TTN: variants seen among roughly 807,000 people sequenced by gnomAD.
TTN encodes the protein connectin.
TTN carries 1,525 observed loss-of-function variants against 3,223.0 expected under a neutral mutation model. That is an observed-to-expected ratio of 0.47 (90% CI 0.45 to 0.49). The LOEUF (loss-of-function observed/expected upper bound fraction) is 0.49, where lower values mean the gene tolerates loss of function less well. Ranked by LOEUF, TTN falls within the 20% of genes least tolerant of loss-of-function variation. The pLI, the probability that TTN is intolerant of heterozygous loss-of-function variation, is 0.00. For synonymous variants in TTN, 14,094 were observed against 15,161.0 expected, an observed-to-expected ratio of 0.93 and a Z score of 5.17; for missense variants, 40,786 against 43,424.0, an observed-to-expected ratio of 0.94 and a Z score of 5.40.
Position 178,636,995 on chromosome 2 carries a change from T to G in TTN, c.40928-196A>C, listed in dbSNP as rs958430274. 5.3e-5 allele frequency among the ~76,000 whole-genome samples: 8 copies of G among 151,550 alleles called. No individual in the cohort carries two copies. The highest frequency in any genetic ancestry group is 1.2e-4 in the Non-Finnish European group (8 of 67,834). On this transcript the variant is annotated intron_variant, in intron 224 of 362. Coordinates refer to ENST00000589042, the MANE Select transcript of TTN (RefSeq NM_001267550.2). This position sits in a 1 kb window ranked among gnomAD's most constrained non-coding sequence, Gnocchi z 4.3. ...AAAATGAGATGGTATAAGGAATCCA[T>G]GAATAATAAATGTCCCTTTTCTCAA...
chr2:178,611,671 G>A lies in TTN; in HGVS notation c.50558C>T (p.Pro16853Leu), dbSNP rs373517736. The A allele has an allele frequency of 6.2e-7, 1 of 1,612,642 alleles. No individual in the cohort carries two copies. Among genetic ancestry groups the A allele is most frequent in the Non-Finnish European group, 8.5e-7 (1 of 1,179,246 alleles). Residue 16853 changes from proline (P) to leucine (L), a missense_variant, in exon 269 of 363, where the codon CCC becomes CTC. Transcript: ENST00000589042. ...ILSIEDPTSP[P>L]SPPLDLHVTD... ...CACATGTAGGTCAAGGGGTGGTGAG[G>A]GAGGACCTGAGAAAAGAGTGAAATA...
chr2:178,596,490 G>GA (rs2154188938), intron 294 of TTN, among the ~76,000 whole-genome samples: 1 of 152,118 alleles, frequency 6.6e-6, no homozygotes, highest in South Asian at 2.1e-4. Flanking sequence ...CTCTGCAGGG[G>GA]AAACGGAGAG....
At position 178,804,617 on chromosome 2, in the gene TTN, G is replaced by T. The variant is rs146123323; in HGVS notation, c.26C>A (p.Thr9Lys). MTTQAPTF[T>K]QPLQSVVVLE... ...TACCACAACGCTTTGTAACGGCTGCGTAAACGTCGGTGCTTGAGTTGTCAT... is the reference window on the plus strand; with the variant it reads ...TACCACAACGCTTTGTAACGGCTGCTTAAACGTCGGTGCTTGAGTTGTCAT... The change falls in exon 2 of 363, where the codon ACG becomes AAG. Residue 9 changes from threonine to lysine, a missense_variant. Transcript: ENST00000589042. 6.2e-7 allele frequency: 1 copy of T among 1,613,812 alleles called. No individual in the cohort carries two copies. The highest frequency in any genetic ancestry group is 1.7e-5 in the Admixed American group (1 of 59,998).
chr2:178,695,432 A>G (rs2073484533), intron 114 of TTN, 22 bp from the exon 115 acceptor site: 2 of 1,601,750 alleles, frequency 1.2e-6, no homozygotes, highest in Non-Finnish European at 1.7e-6. Flanking sequence ...ACACAGGAAT[A>G]AGAAGGGATG....
chr2:178,755,018 G>C (rs2086548412), intron 46 of TTN, among the ~76,000 whole-genome samples: 1 of 152,106 alleles, frequency 6.6e-6, no homozygotes, highest in African/African-American at 2.4e-5. Context: ...CACCACTATG[G>C]CCAGGATCAG....
At chr2:178,579,435 A>G in intron 319 of TTN, 42 bp from the exon 320 acceptor site, 1 of 1,558,062 alleles carries the variant, frequency 6.4e-7, no homozygotes, top group Middle Eastern at 1.8e-4. Context: ...TTTTAAGGCC[A>G]GGCGATTAAC....
intron 41 of TTN, among the ~76,000 whole-genome samples, chr2:178,765,556 G>A (rs2090221374): frequency 6.6e-6 from 1 of 152,112 alleles, no homozygotes; most frequent in Non-Finnish European, 1.5e-5. Flanking sequence ...AATAAGAACT[G>A]GATGCCATGA....
In TTN at chr2:178,622,656, A is replaced by G. The variant is rs767617094; in HGVS notation, c.44913+14T>C. 8.8e-6 allele frequency: 14 copies of G among 1,586,716 alleles called. No homozygotes were observed. Among genetic ancestry groups the G allele is most frequent in the South Asian group, 1.1e-5 (1 of 87,940 alleles). On this transcript the variant is annotated intron_variant, in intron 243 of 362. Coordinates refer to ENST00000589042, the MANE Select transcript of TTN (RefSeq NM_001267550.2). ...TATTTGACAGTACAAGATGACAGGT[A>G]TACAGTCACAGACCTTAGCATTTTC...
chr2:178,789,289 G>A, intron 13 of TTN, 71 bp downstream of exon 13: 1 of 1,585,462 alleles, frequency 6.3e-7, no homozygotes. Context: ...ATTACAATAA[G>A]GAATTTCACA....
At chr2:178,707,419 A>G (rs1449449330) in intron 100 of TTN, 107 bp downstream of exon 100, 1 of 1,345,322 alleles carries the variant, frequency 7.4e-7, no homozygotes, top group Non-Finnish European at 9.8e-7. Flanking sequence ...ATGAGCAACA[A>G]CTGATATTTC....
rs538676428 is a variant in TTN at position 178,649,707 on chromosome 2, G to A, written c.39896-76C>T. The A allele has an allele frequency of 2.1e-3, 3,194 of 1,532,428 alleles. 5 individuals carry two copies. Among genetic ancestry groups the A allele is most frequent in the Non-Finnish European group, 2.7e-3 (3,034 of 1,113,392 alleles). 94.9% of individuals were successfully genotyped at this position (1,532,428 alleles called of 1,614,324 possible). ...TATACATACAAGTTTATTCAACACT[G>A]TAACATATAGGTAAGAGTTAACAAA... On this transcript the variant is annotated intron_variant, in intron 211 of 362. Coordinates refer to ENST00000589042, the MANE Select transcript of TTN (RefSeq NM_001267550.2).
At position 178,713,266 on chromosome 2, in the gene TTN, A is replaced by G. The variant is rs778211975; in HGVS notation, c.26868T>C (p.Ser8956=). The G allele has an allele frequency of 1.1e-5, 17 of 1,611,634 alleles. No homozygotes were observed. The highest frequency in any genetic ancestry group is 1.4e-5 in the Non-Finnish European group (17 of 1,178,676). Residue 8956 remains serine, a synonymous_variant, in exon 93 of 363, where the codon TCT becomes TCC. Transcript: ENST00000589042. ...CATTTCCTTCATGGAACCAGGAGAC[A>G]GAGATTGGAGGTGACCCATAGACTT... ...ECKVYGSPPI[S]VSWFHEGNEI...
intron 292 of TTN, 104 bp downstream of exon 292, chr2:178,598,402 T>C (rs1435517463): frequency 7.3e-7 from 1 of 1,377,060 alleles, no homozygotes; most frequent in African/African-American, 1.5e-5. Context: ...ATTTTCCTGA[T>C]TTCTTAATCC....
rs2060122664 is a variant in TTN at position 178,634,027 on chromosome 2, T to C, written c.42472A>G (p.Thr14158Ala). ...GAAAGTTCACAAACAAAAGTTGCTG[T>C]TTCACCTTCTTTTACTGTTTGATCT... Reference protein sequence around the residue: ...LEDQTVKEGETATFVCELSHE... With the variant: ...LEDQTVKEGEAATFVCELSHE... Residue 14158 changes from threonine to alanine, a missense_variant, in exon 231 of 363, where the codon ACA (threonine) becomes GCA (alanine). By Grantham distance (58) the Thr-to-Ala change is moderately conservative. Transcript: ENST00000589042. The surrounding 1 kb of genome is among the most constrained non-coding windows in gnomAD (Gnocchi z 4.6). 1 of 1,613,146 alleles carries C rather than the reference T, an allele frequency of 6.2e-7. No homozygotes were observed. The highest frequency in any genetic ancestry group is 1.3e-5 in the African/African-American group (1 of 74,878).
rs794729528 is a variant in TTN, at chr2:178,782,321, G to C, written c.3271C>G (p.Gln1091Glu). Residue 1091 changes from glutamine (Q) to glutamate (E), a missense_variant, in exon 20 of 363, where the codon CAG becomes GAG. Physicochemically the swap from Gln to Glu is conservative, Grantham distance 29 (BLOSUM62 2). Transcript: ENST00000589042. ...ACGCTCCCACCTTCCACCAGTTTCT[G>C]GACCACTGGTTTTGTAATAAAGTAA... is the stretch of plus-strand genomic sequence containing the variant. ...APYFITKPVVQKLVEGGSVVF... is the reference protein window; with the variant it reads ...APYFITKPVVEKLVEGGSVVF... 3 of 1,614,066 alleles carry C rather than the reference G, an allele frequency of 1.9e-6. No homozygotes were observed. The highest frequency in any genetic ancestry group is 2.5e-6 in the Non-Finnish European group (3 of 1,179,996).
At chr2:178,800,154 G>T (rs1416693562) in intron 4 of TTN, among the ~76,000 whole-genome samples, 1 of 152,184 alleles carries the variant, frequency 6.6e-6, no homozygotes, top group Non-Finnish European at 1.5e-5. Flanking sequence ...ATTTGGAAAT[G>T]TAGATCACTT....
intron 112 of TTN, 95 bp from the exon 113 acceptor site, chr2:178,697,263 G>T: frequency 9.1e-7 from 1 of 1,094,002 alleles, no homozygotes; most frequent in Non-Finnish European, 1.3e-6. Flanking sequence ...GTTGTTTGTA[G>T]GAGCTATGAC....
chr2:178,748,517 G>T, intron 47 of TTN: 1 of 1,613,002 alleles, frequency 6.2e-7, no homozygotes, highest in Non-Finnish European at 8.5e-7. Flanking sequence ...CTCCAGAGCT[G>T]GATCTCCTAT....
intron 92 of TTN, 87 bp from the exon 93 acceptor site, chr2:178,713,459 T>C: frequency 6.9e-7 from 1 of 1,441,938 alleles, no homozygotes; most frequent in Non-Finnish European, 9.1e-7. Flanking sequence ...GAGAACTGTC[T>C]TTTTGATGGA....
Sources: gnomAD v4.1 joint callset for allele counts (sites outside exome capture counted in the v4.1 genomes callset) on GRCh38, gnomAD v4.1.1 for gene constraint, Gnocchi (gnomAD v3.1) non-coding constraint, MANE v1.5 for transcripts, NCBI Gene and HGNC (gene_info 2026-07-23, HGNC 2026-07-21) for gene names.